Variants in RUBCNL observed in about 807,000 individuals in gnomAD.
RUBCNL encodes the protein rubicon like autophagy enhancer.
In RUBCNL, 62 loss-of-function variants were observed where a neutral mutation model predicts 69.5. That is an observed-to-expected ratio of 0.89 (90% CI 0.73 to 1.10). The LOEUF (loss-of-function observed/expected upper bound fraction) is 1.10. Among genes scored for constraint, RUBCNL ranks in the 50% least tolerant of loss-of-function variants. The pLI, the probability that RUBCNL is intolerant of heterozygous loss-of-function variation, is 0.00. For synonymous variants in RUBCNL, 291 were observed against 303.6 expected (o/e 0.96, Z 0.43); for missense variants, 768 against 798.1 (o/e 0.96, Z 0.45).
intron 1 of RUBCNL, 60 bp from the exon 2 acceptor site, chr13:46,378,065 T>C: frequency 1.2e-6 from 1 of 866,460 alleles, no homozygotes; most frequent in Non-Finnish European, 1.8e-6. Context: ...ATGTTACTTG[T>C]TGCCATATTG....
chr13:46,377,815 T>C (rs916803681), intron 2 of RUBCNL, 75 bp downstream of exon 2: 4 of 815,168 alleles, frequency 4.9e-6, no homozygotes, highest in African/African-American at 3.5e-5. Flanking sequence ...AGGCCCATAA[T>C]AGATTCACAA....
At chr13:46,355,214 A>T (rs982519303) in intron 10 of RUBCNL, among the ~76,000 whole-genome samples, 1 of 152,108 alleles carries the variant, frequency 6.6e-6, no homozygotes, top group African/African-American at 2.4e-5. Flanking sequence ...CAGGTCAGAC[A>T]TACAGGTACC....
chr13:46,377,384 C>T (rs2049018017), intron 2 of RUBCNL, among the ~76,000 whole-genome samples: 2 of 152,358 alleles, frequency 1.3e-5, no homozygotes, highest in African/African-American at 2.4e-5. Flanking sequence ...ATGCCTCAGC[C>T]TCCCTAGCAG....
In RUBCNL at chr13:46,344,737, A is replaced by G. The variant is rs1287347295; in HGVS notation, c.1876+4T>C. The G allele has an allele frequency of 6.3e-7, 1 of 1,587,880 alleles. No homozygotes were observed. Among genetic ancestry groups the G allele is most frequent in the Non-Finnish European group, 8.6e-7 (1 of 1,160,638 alleles). On this transcript the variant is annotated splice_donor_region_variant and intron_variant, in intron 14 of 14. Coordinates refer to ENST00000429979, the MANE Select transcript of RUBCNL (RefSeq NM_025113.5). ...TAAGCTTATGTTATTAAGTTATTAA[A>G]TACCTGAACATCTTCTACATGTTGC...
intron 3 of RUBCNL, among the ~76,000 whole-genome samples, chr13:46,371,452 T>C (rs912080554): frequency 6.6e-6 from 1 of 152,228 alleles, no homozygotes; most frequent in East Asian, 1.9e-4. Flanking sequence ...AAAAAGGGGT[T>C]TTGTATAGTC....
intron 9 of RUBCNL, 115 bp downstream of exon 9, chr13:46,359,370 AT>A (rs1164744924): frequency 1.2e-6 from 1 of 862,142 alleles, no homozygotes; most frequent in Non-Finnish European, 1.6e-6. Flanking sequence ...CCTAAAACAA[AT>A]TTTCCTGTGT....
intron 12 of RUBCNL, among the ~76,000 whole-genome samples, chr13:46,347,763 G>A (rs560176644): frequency 2.0e-4 from 30 of 152,220 alleles, no homozygotes; most frequent in South Asian, 1.5e-3. Flanking sequence ...AGGCCGAGGC[G>A]GGCAGATCAC....
rs796423184 is a variant in RUBCNL at position 46,335,273 on chromosome 13, T to G, written c.*8112A>C. On this transcript the variant is annotated 3_prime_UTR_variant, in exon 15 of 15. Transcript: ENST00000429979. ...GTTGTTGTTGTTGTTTTTTTTTTTT[T>G]TTTTTTTTTTTTAAGAGACAGGGTC... 0.14 allele frequency among the ~76,000 whole-genome samples: 19,700 copies of G among 144,222 alleles called. 1,591 individuals are homozygous for G. Among genetic ancestry groups the G allele is most frequent in the Middle Eastern group, 0.2 (56 of 282 alleles). 94.6% of individuals were successfully genotyped at this position (144,222 alleles called of 152,430 possible).
intron 2 of RUBCNL, among the ~76,000 whole-genome samples, chr13:46,376,839 C>A (rs2049005209): frequency 6.6e-6 from 1 of 152,286 alleles, no homozygotes; most frequent in Non-Finnish European, 1.5e-5. Flanking sequence ...TATTTTACAA[C>A]TTATCTTCTT....
At chr13:46,366,823 T>A (rs141866098) in intron 5 of RUBCNL, among the ~76,000 whole-genome samples, 88 of 152,264 alleles carry the variant, frequency 5.8e-4, no homozygotes, top group African/African-American at 2.1e-3. Flanking sequence ...GCAGTGAACA[T>A]ATATCAACAA....
intron 10 of RUBCNL, among the ~76,000 whole-genome samples, chr13:46,352,902 AAAT>A (rs1444884353): frequency 6.6e-6 from 1 of 152,254 alleles, no homozygotes; most frequent in Non-Finnish European, 1.5e-5. Flanking sequence ...CAGATCAGTT[AAAT>A]GTTTTACATT....
At chr13:46,366,848 C>T (rs2048767805) in intron 5 of RUBCNL, among the ~76,000 whole-genome samples, 1 of 152,136 alleles carries the variant, frequency 6.6e-6, no homozygotes, top group African/African-American at 2.4e-5. Context: ...TAAAATGAAG[C>T]ATTTTAAGTC....
intron 1 of RUBCNL, among the ~76,000 whole-genome samples, chr13:46,385,767 T>C (rs2049227433): frequency 6.6e-6 from 1 of 152,044 alleles, no homozygotes; most frequent in Non-Finnish European, 1.5e-5. Flanking sequence ...GCCAACAATG[T>C]TTTTGTTGTT....
At chr13:46,348,999 A>G (rs1188040072) in intron 12 of RUBCNL, among the ~76,000 whole-genome samples, 1 of 152,124 alleles carries the variant, frequency 6.6e-6, no homozygotes, top group Non-Finnish European at 1.5e-5. Flanking sequence ...ACTTTCTACC[A>G]TGATTGTGAG....
At chr13:46,370,911 A>G (rs552811366) in intron 3 of RUBCNL, among the ~76,000 whole-genome samples, 1 of 148,310 alleles carries the variant, frequency 6.7e-6, no homozygotes, top group South Asian at 2.1e-4. Flanking sequence ...GTGAGCAAAA[A>G]AATAGGAAAA....
At chr13:46,354,894 G>A (rs184266490) in intron 10 of RUBCNL, 797 of 456,360 alleles carry the variant, frequency 1.7e-3, no homozygotes, top group Non-Finnish European at 2.6e-3. Flanking sequence ...TTGGTGGAGC[G>A]ATAGTCATAT....
At chr13:46,387,726 A>C, upstream of RUBCNL, 1 of 985,430 alleles carries the variant, frequency 1.0e-6, no homozygotes, top group Non-Finnish European at 1.2e-6. Flanking sequence ...CTTCACCTGG[A>C]GTCTGAGTCC....
chr13:46,343,536 CTTG>C, intron 14 of RUBCNL, 39 bp from the exon 15 acceptor site: 1 of 1,592,488 alleles, frequency 6.3e-7, no homozygotes, highest in African/African-American at 1.3e-5. Context: ...AACGGTCTAT[CTTG>C]TTTTCTCACA....
rs2048340283 is a variant in RUBCNL at position 46,350,193 on chromosome 13, T to C, written c.1489A>G (p.Ile497Val). 3 of 1,591,340 alleles carry C rather than the reference T, an allele frequency of 1.9e-6. No homozygotes were observed. Among genetic ancestry groups the C allele is most frequent in the South Asian group, 1.1e-5 (1 of 87,322 alleles). The change falls in exon 11 of 15, where the codon ATA (isoleucine) becomes GTA (valine). Residue 497 changes from isoleucine to valine, a missense_variant. Coordinates refer to ENST00000429979, the MANE Select transcript of RUBCNL (RefSeq NM_025113.5). Reference protein sequence around the residue: ...SNFSKQLLDSIWHQPIFNLLS... With the variant: ...SNFSKQLLDSVWHQPIFNLLS... ...AAATTGAAAATGGGCTGGTGCCATATGCTGTCGAGCAGCTGTTTGGAGAAA... is the reference window on the plus strand; with the variant it reads ...AAATTGAAAATGGGCTGGTGCCATACGCTGTCGAGCAGCTGTTTGGAGAAA...
Sources: gnomAD v4.1 joint callset for allele counts (sites outside exome capture counted in the v4.1 genomes callset) on GRCh38, gnomAD v4.1.1 for gene constraint, MANE v1.5 for transcripts, NCBI Gene and HGNC (gene_info 2026-07-23, HGNC 2026-07-21) for gene names.